Variants in SOS2 observed in about 807,000 individuals in gnomAD.
SOS2 encodes the protein son of sevenless homolog 2.
A neutral mutation model predicts 148.2 loss-of-function variants in SOS2; 65 were observed. That is an observed-to-expected ratio of 0.44 (90% CI 0.36 to 0.54). The LOEUF (loss-of-function observed/expected upper bound fraction) is 0.54, where lower values mean the gene tolerates loss of function less well. Among genes scored for constraint, SOS2 ranks in the 20% least tolerant of loss-of-function variants. The pLI, the probability that SOS2 is intolerant of heterozygous loss-of-function variation, is 0.00. For missense variants in SOS2, 1,341 were observed against 1,590.2 expected (o/e 0.84, Z 2.67); for synonymous variants, 539 against 537.1 (o/e 1.00, Z -0.05).
At chr14:50,219,086 C>T (rs908735648) in intron 1 of SOS2, among the ~76,000 whole-genome samples, 3 of 151,094 alleles carry the variant, frequency 2.0e-5, no homozygotes, top group East Asian at 3.9e-4. Flanking sequence ...GCTCTCCAGC[C>T]TGGCAACAGA....
chr14:50,184,436 G>A (rs1885843166), intron 5 of SOS2, among the ~76,000 whole-genome samples: 1 of 152,208 alleles, frequency 6.6e-6, no homozygotes, highest in South Asian at 2.1e-4. Context: ...TGATAATAAT[G>A]TCTTTTGTTA....
At position 50,215,715 on chromosome 14, in the gene SOS2, T is replaced by TA. The variant is rs1283026222; in HGVS notation, c.88-11307dup. Among the ~76,000 whole-genome samples the TA allele has an allele frequency of 5.5e-5, 8 of 146,582 alleles. No homozygotes were observed. The South Asian group carries it at 1.7e-3, about 31-fold the overall frequency. On this transcript the variant is annotated intron_variant, in intron 1 of 22. Coordinates refer to ENST00000216373, the MANE Select transcript of SOS2 (RefSeq NM_006939.4). ...CAATGTGCACATGTACCCTAAAACT[T>TA]AAAGTATAATAAAAAAAAACAAAAA...
intron 7 of SOS2, among the ~76,000 whole-genome samples, chr14:50,175,110 A>G (rs1275651187): frequency 6.6e-6 from 1 of 152,254 alleles, no homozygotes; most frequent in Non-Finnish European, 1.5e-5. Flanking sequence ...ATTCAAACAA[A>G]CATTATTAAT....
At chr14:50,223,548 G>A (rs1482505404) in intron 1 of SOS2, among the ~76,000 whole-genome samples, 3 of 151,842 alleles carry the variant, frequency 2.0e-5, no homozygotes, top group Middle Eastern at 3.4e-3. Flanking sequence ...GGTGGCACAC[G>A]CCTGTAGTCC....
chr14:50,171,467 T>C (rs1355105281), intron 8 of SOS2, among the ~76,000 whole-genome samples: 1 of 151,884 alleles, frequency 6.6e-6, no homozygotes, highest in African/African-American at 2.4e-5. Context: ...GGACAGATCA[T>C]GAGGTCAAGA....
At position 50,180,639 on chromosome 14, in the gene SOS2, A is replaced by T; in HGVS notation, c.902T>A (p.Leu301His). The change falls in exon 7 of 23, where the codon CTT becomes CAT. Residue 301 changes from leucine (L) to histidine (H), a missense_variant. Physicochemically the swap from Leu to His is moderately conservative, Grantham distance 99. Coordinates refer to ENST00000216373, the MANE Select transcript of SOS2 (RefSeq NM_006939.4). ...DPYETLSQDI[L>H]SPEFHEHFNK... ...GAAATGTTCATGAAACTCTGGTGAA[A>T]GAATGTCCTGTGATAATGTTTCATA... 6.2e-7 allele frequency: 1 copy of T among 1,605,920 alleles called. No homozygotes were observed.
At chr14:50,181,113 T>C (rs1327332636) in intron 6 of SOS2, among the ~76,000 whole-genome samples, 1 of 152,186 alleles carries the variant, frequency 6.6e-6, no homozygotes, top group Non-Finnish European at 1.5e-5. Context: ...ATCTAGTCTT[T>C]AGCACTACAA....
chr14:50,147,976 T>C (rs989250573), intron 14 of SOS2, among the ~76,000 whole-genome samples: 3 of 152,202 alleles, frequency 2.0e-5, no homozygotes, highest in Non-Finnish European at 4.4e-5. Context: ...TTTAATTGAC[T>C]GGTGGCATTG....
intron 21 of SOS2, among the ~76,000 whole-genome samples, chr14:50,128,256 G>A (rs563650186): frequency 2.0e-5 from 3 of 152,018 alleles, no homozygotes; most frequent in African/African-American, 4.8e-5. Flanking sequence ...AAACTGGAAC[G>A]GGGGACAAAA....
chr14:50,174,507 G>A lies in SOS2; in HGVS notation c.1015C>T (p.Arg339Cys), dbSNP rs763698634. The A allele has an allele frequency of 1.9e-5, 31 of 1,610,682 alleles. No individual in the cohort carries two copies. Among genetic ancestry groups the A allele is most frequent in the Non-Finnish European group, 2.4e-5 (28 of 1,177,748 alleles). Residue 339 changes from arginine (R) to cysteine (C), a missense_variant, in exon 8 of 23, where the codon CGT becomes TGT. This residue lies in a region of SOS2 where 574 missense variants were observed against 711.1 expected (regional missense o/e 0.81). Coordinates refer to ENST00000216373, the MANE Select transcript of SOS2 (RefSeq NM_006939.4). ...FKEAVRYVLPRLMLVPVYHCW... is the reference protein window; with the variant it reads ...FKEAVRYVLPCLMLVPVYHCW... ...TGATACACTGGCACCAGCATAAGACGTGGAAGGACATAACGAACTGCCTCT... is the reference window on the plus strand; with the variant it reads ...TGATACACTGGCACCAGCATAAGACATGGAAGGACATAACGAACTGCCTCT...
At chr14:50,190,012 C>T (rs1007284452) in intron 4 of SOS2, among the ~76,000 whole-genome samples, 1 of 151,708 alleles carries the variant, frequency 6.6e-6, no homozygotes, top group Non-Finnish European at 1.5e-5. Context: ...CCATGCCTGG[C>T]TAATTTTTTT....
At chr14:50,224,240 A>G (rs1887284362) in intron 1 of SOS2, among the ~76,000 whole-genome samples, 1 of 150,516 alleles carries the variant, frequency 6.6e-6, no homozygotes, top group African/African-American at 2.4e-5. Flanking sequence ...GCAGTGAGCC[A>G]AGATCGCACC....
chr14:50,163,785 G>A (rs552846715), intron 8 of SOS2, among the ~76,000 whole-genome samples: 58 of 152,166 alleles, frequency 3.8e-4, no homozygotes, highest in African/African-American at 1.3e-3. Context: ...AATTAGAACT[G>A]TTTTATTCTT....
At chr14:50,224,314 T>TATACAC (rs1281779995) in intron 1 of SOS2, among the ~76,000 whole-genome samples, 59 of 101,020 alleles carry the variant, frequency 5.8e-4, no homozygotes, top group African/African-American at 2.2e-3. Flanking sequence ...AATATATATA[T>TATACAC]ACACACACAC....
In SOS2 at chr14:50,135,927, C is replaced by T. The variant is rs557976827; in HGVS notation, c.2959-1688G>A. ...TTTTATGATTTCCTTAGAAAAATTC[C>T]TTAGCAGCAAATTACTGGATTTAGC... On this transcript the variant is annotated intron_variant, in intron 18 of 22. Coordinates refer to ENST00000216373, the MANE Select transcript of SOS2 (RefSeq NM_006939.4). Among the ~76,000 whole-genome samples, 3 of 151,868 alleles carry T rather than the reference C, an allele frequency of 2.0e-5. No homozygotes were observed. The South Asian group carries it at 6.2e-4, about 31-fold the overall frequency.
intron 8 of SOS2, among the ~76,000 whole-genome samples, chr14:50,174,061 C>G (rs1215565979): frequency 2.0e-5 from 3 of 152,150 alleles, no homozygotes; most frequent in Non-Finnish European, 2.9e-5. Context: ...AATGGCCTGA[C>G]TCATCCTAAG....
At position 50,150,535 on chromosome 14, in the gene SOS2, T is replaced by C. The variant is rs1323937095; in HGVS notation, c.2162-305A>G. ...TTGTTATCTTGAAGTATTTTGTCAC[T>C]GTTCACATTTCTCTCTCTGATTATT... is the stretch of plus-strand genomic sequence containing the variant. On this transcript the variant is annotated intron_variant, in intron 13 of 22. Coordinates refer to ENST00000216373, the MANE Select transcript of SOS2 (RefSeq NM_006939.4). Among the ~76,000 whole-genome samples the C allele has an allele frequency of 2.0e-5, 3 of 151,614 alleles. No individual in the cohort carries two copies. The East Asian group carries it at 5.8e-4, about 29-fold the overall frequency.
chr14:50,218,217 G>T (rs1484067567), intron 1 of SOS2, among the ~76,000 whole-genome samples: 1 of 30,936 alleles, frequency 3.2e-5, no homozygotes, highest in African/African-American at 1.7e-4. Flanking sequence ...TTCGATAAAA[G>T]GAAAAAAAAA....
In SOS2 at chr14:50,118,359, T is replaced by C. The variant is rs776266602; in HGVS notation, c.3984A>G (p.Ala1328=). Residue 1328 remains alanine, a synonymous_variant, in exon 23 of 23, where the codon GCA becomes GCG. Transcript: ENST00000216373. ...PLYRLPLLEN[A]ETPQ is the part of the protein sequence containing the mutation. ...ATGGCTAAGGTCATTGGGGAGTTTC[T>C]GCATTTTCTAGCAAAGGCAGTCTGT... 9 of 1,613,640 alleles carry C rather than the reference T, an allele frequency of 5.6e-6. No individual in the cohort carries two copies. Among genetic ancestry groups the C allele is most frequent in the South Asian group, 2.2e-5 (2 of 91,068 alleles).
Sources: allele counts gnomAD v4.1 joint callset (sites outside exome capture counted in the v4.1 genomes callset), GRCh38; gene constraint gnomAD v4.1.1; regional missense constraint gnomAD v4.1.1; transcripts MANE v1.5; gene names NCBI Gene and HGNC (gene_info 2026-07-23, HGNC 2026-07-21).